Variants in ADAMTSL1 observed in about 807,000 individuals in gnomAD.
ADAMTSL1 encodes ADAMTS-like protein 1.
Under a neutral mutation model 201.8 loss-of-function variants are expected in ADAMTSL1, and 126 were observed. The ratio of observed to expected loss-of-function variants is 0.62; its 90% CI spans 0.54 to 0.72. The LOEUF is 0.72. Ranked by LOEUF, ADAMTSL1 falls within the 30% of genes least tolerant of loss-of-function variation. The pLI, the probability that ADAMTSL1 is intolerant of heterozygous loss-of-function variation, is 0.00. For synonymous variants in ADAMTSL1, 1,121 were observed against 903.4 expected (o/e 1.24, Z -4.32); for missense variants, 2,679 against 2,277.8 (o/e 1.18, Z -3.59).
intron 2 of ADAMTSL1, among the ~76,000 whole-genome samples, chr9:18,193,072 G>T (rs1278137321): frequency 1.3e-5 from 2 of 152,118 alleles, no homozygotes; most frequent in African/African-American, 4.8e-5. Flanking sequence ...ATTAGATCTA[G>T]ATTTCCTTTT....
chr9:18,416,388 A>C (rs532951489), intron 2 of ADAMTSL1, among the ~76,000 whole-genome samples: 34 of 152,092 alleles, frequency 2.2e-4, no homozygotes, highest in African/African-American at 7.9e-4. Flanking sequence ...AATTATAAAA[A>C]AATTGCTTGA....
At position 18,567,402 on chromosome 9, in the gene ADAMTSL1, G is replaced by C. The variant is rs991282829; in HGVS notation, c.238-6628G>C. Among the ~76,000 whole-genome samples, 7 of 152,272 alleles carry C rather than the reference G, an allele frequency of 4.6e-5. No homozygotes were observed. In the East Asian group the frequency reaches 1.2e-3, roughly 25 times the overall value. ...AATTGCTTGAACCCAGGCAGTAGAA[G>C]TTGCAGCGAGCCGAGATCATGCCAC... On this transcript the variant is annotated intron_variant, in intron 3 of 28. Coordinates refer to ENST00000380548, the MANE Select transcript of ADAMTSL1 (RefSeq NM_001040272.6).
intron 4 of ADAMTSL1, among the ~76,000 whole-genome samples, chr9:18,608,386 T>G (rs1160597099): frequency 6.6e-6 from 1 of 152,240 alleles, no homozygotes; most frequent in East Asian, 1.9e-4. Flanking sequence ...TTGGAATTTA[T>G]AGTTTCAGCT....
chr9:17,965,618 C>A (rs543475410), intron 1 of ADAMTSL1, among the ~76,000 whole-genome samples: 1 of 152,274 alleles, frequency 6.6e-6, no homozygotes, highest in South Asian at 2.1e-4. Context: ...AAAGAAAGTT[C>A]CATCATACAT....
intron 4 of ADAMTSL1, among the ~76,000 whole-genome samples, chr9:18,617,564 A>T (rs895715617): frequency 1.3e-5 from 2 of 152,102 alleles, no homozygotes; most frequent in Admixed American, 6.6e-5. Flanking sequence ...TGAAAGAAGA[A>T]TAAAGAAAAA....
chr9:18,273,612 C>G (rs73643212), intron 2 of ADAMTSL1, among the ~76,000 whole-genome samples: 1 of 152,114 alleles, frequency 6.6e-6, no homozygotes, highest in African/African-American at 2.4e-5. Flanking sequence ...ATTTAGTCCT[C>G]GGCATCATTC....
At chr9:18,666,506 C>T (rs1188325800) in intron 9 of ADAMTSL1, among the ~76,000 whole-genome samples, 2 of 152,154 alleles carry the variant, frequency 1.3e-5, no homozygotes. Context: ...GGATCTACCA[C>T]GTTTGTTTTC....
intron 19 of ADAMTSL1, among the ~76,000 whole-genome samples, chr9:18,783,644 G>A (rs1821533333): frequency 6.6e-6 from 1 of 152,208 alleles, no homozygotes. Context: ...AAGAGCCAAT[G>A]AAATTGAGCA....
At chr9:18,850,634 T>C (rs12340428) in intron 23 of ADAMTSL1, among the ~76,000 whole-genome samples, 20,800 of 152,194 alleles carry the variant, frequency 0.14, 1,806 homozygotes, top group East Asian at 0.26. Flanking sequence ...AAATAAAGGC[T>C]CTTGGCCCTG....
chr9:18,567,120 G>T (rs1298642596), intron 3 of ADAMTSL1, among the ~76,000 whole-genome samples: 4 of 152,118 alleles, frequency 2.6e-5, no homozygotes, highest in African/African-American at 9.7e-5. Context: ...ATTTTAAAAA[G>T]GCCTTCAGGT....
At chr9:18,084,019 G>A (rs1266306640) in intron 1 of ADAMTSL1, among the ~76,000 whole-genome samples, 1 of 152,092 alleles carries the variant, frequency 6.6e-6, no homozygotes, top group Non-Finnish European at 1.5e-5. Context: ...TATTCACCAA[G>A]GAAAAATGTT....
At chr9:18,801,602 G>C (rs1367009411) in intron 20 of ADAMTSL1, among the ~76,000 whole-genome samples, 3 of 152,120 alleles carry the variant, frequency 2.0e-5, no homozygotes, top group African/African-American at 7.2e-5. Flanking sequence ...TCATCATTTA[G>C]TTCCCACTTA....
At chr9:18,048,439 T>A (rs1821772505) in intron 1 of ADAMTSL1, among the ~76,000 whole-genome samples, 1 of 151,920 alleles carries the variant, frequency 6.6e-6, no homozygotes, top group South Asian at 2.1e-4. Context: ...CTGAGTAGAG[T>A]ATGGGCTTTA....
At chr9:18,438,797 C>A (rs1170008180) in intron 2 of ADAMTSL1, among the ~76,000 whole-genome samples, 3 of 152,128 alleles carry the variant, frequency 2.0e-5, no homozygotes, top group Admixed American at 1.3e-4. Flanking sequence ...GCCGGGCAGC[C>A]CCTCTCGCTC....
At chr9:18,425,999 C>T (rs16936676) in intron 2 of ADAMTSL1, among the ~76,000 whole-genome samples, 3,467 of 152,142 alleles carry the variant, frequency 0.023, 137 homozygotes, top group African/African-American at 0.08. Context: ...AGTGCCAACC[C>T]GTTTAGCATC....
chr9:18,402,667 G>A (rs1256863574), intron 2 of ADAMTSL1, among the ~76,000 whole-genome samples: 1 of 152,036 alleles, frequency 6.6e-6, no homozygotes, highest in Non-Finnish European at 1.5e-5. Context: ...AACATGACAT[G>A]CTCTTTCTTG....
chr9:18,598,918 C>T (rs1194040836), intron 4 of ADAMTSL1, among the ~76,000 whole-genome samples: 1 of 152,142 alleles, frequency 6.6e-6, no homozygotes, highest in East Asian at 1.9e-4. Flanking sequence ...GCCAAAGTCA[C>T]ACTCAAATGA....
intron 5 of ADAMTSL1, among the ~76,000 whole-genome samples, chr9:18,632,361 G>C (rs1826836729): frequency 6.6e-6 from 1 of 152,128 alleles, no homozygotes; most frequent in African/African-American, 2.4e-5. Context: ...TAAGAGTACT[G>C]TTCCTTAAAG....
intron 7 of ADAMTSL1, among the ~76,000 whole-genome samples, chr9:18,648,277 G>A (rs1404365752): frequency 7.0e-5 from 10 of 143,368 alleles, no homozygotes; most frequent in South Asian, 6.6e-4. Context: ...GAGCCTATGC[G>A]TGTCTCTGCA....
Sources: allele counts gnomAD v4.1 joint callset (sites outside exome capture counted in the v4.1 genomes callset), GRCh38; gene constraint gnomAD v4.1.1; transcripts MANE v1.5; gene names NCBI Gene and HGNC (gene_info 2026-07-23, HGNC 2026-07-21).